TENM2: variants seen among roughly 807,000 people sequenced by gnomAD.
TENM2 encodes the protein teneurin-2.
A neutral mutation model predicts 245.2 loss-of-function variants in TENM2; 52 were observed. The observed-to-expected ratio is 0.21, with a 90% CI of 0.17 to 0.27. TENM2 has a LOEUF of 0.27. Among genes scored for constraint, TENM2 ranks in the 10% least tolerant of loss-of-function variants. The pLI, the probability that TENM2 is intolerant of heterozygous loss-of-function variation, is 1.00. For missense variants in TENM2, 3,046 were observed against 3,666.8 expected (o/e 0.83, Z 4.37); for synonymous variants, 1,363 against 1,438.9 (o/e 0.95, Z 1.19).
chr5:167,551,398 T>C (rs1772928720), intron 2 of TENM2, among the ~76,000 whole-genome samples: 1 of 152,150 alleles, frequency 6.6e-6, no homozygotes, highest in Non-Finnish European at 1.5e-5. Context: ...CTATAGATTC[T>C]TTATCCATCT....
the TENM2 span, among the ~76,000 whole-genome samples, chr5:167,247,318 C>T: frequency 5.3e-5 from 8 of 152,238 alleles, no homozygotes; most frequent in East Asian, 3.9e-4. Context: ...TCCCAAACAG[C>T]CTTTACAGCC....
At chr5:167,594,765 G>A (rs1776090664) in intron 2 of TENM2, among the ~76,000 whole-genome samples, 2 of 152,132 alleles carry the variant, frequency 1.3e-5, no homozygotes, top group South Asian at 2.1e-4. Context: ...AACCTCAAGC[G>A]GGGATTGTCT....
At chr5:167,117,214 C>G in the TENM2 span, among the ~76,000 whole-genome samples, 1 of 152,146 alleles carries the variant, frequency 6.6e-6, no homozygotes, top group Non-Finnish European at 1.5e-5. Context: ...GGTTAAGAAG[C>G]CTAAACAGGC....
intron 1 of TENM2, among the ~76,000 whole-genome samples, chr5:167,361,383 T>C (rs2112583): frequency 0.96 from 145,977 of 152,288 alleles, 70,011 homozygotes; most frequent in African/African-American, 0.98. Flanking sequence ...TATATTTTTC[T>C]AGTCCAAACT....
chr5:167,415,277 A>C (rs1367475530), intron 2 of TENM2, among the ~76,000 whole-genome samples: 4 of 151,998 alleles, frequency 2.6e-5, no homozygotes, highest in African/African-American at 9.7e-5. Context: ...TTTAAATGAA[A>C]AAAAACTACT....
At chr5:167,084,342 TATATATATATATATATATATATATAC>T in the TENM2 span, among the ~76,000 whole-genome samples, 2 of 95,808 alleles carry the variant, frequency 2.1e-5, no homozygotes, top group Admixed American at 2.2e-4. Flanking sequence ...TATATATATA[TATATATATATATATATATATATATAC>T]AGATCAGATT....
chr5:167,832,634 A>C (rs1247542960), intron 2 of TENM2, among the ~76,000 whole-genome samples: 1 of 152,134 alleles, frequency 6.6e-6, no homozygotes, highest in Non-Finnish European at 1.5e-5. Flanking sequence ...GAAGAATGTC[A>C]GTAAGGATGG....
intron 2 of TENM2, among the ~76,000 whole-genome samples, chr5:167,646,210 T>TATATATATATGTTGTTTTC (rs1779950168): frequency 1.5e-5 from 2 of 133,574 alleles, no homozygotes; most frequent in African/African-American, 6.6e-5. Context: ...CATATATATA[T>TATATATATATGTTGTTTTC]ATATATATAT....
chr5:167,469,065 TA>T (rs1356192825), intron 2 of TENM2, among the ~76,000 whole-genome samples: 1 of 152,278 alleles, frequency 6.6e-6, no homozygotes, highest in Non-Finnish European at 1.5e-5. Flanking sequence ...ATAGAAACTT[TA>T]AATGCTATCT....
intron 4 of TENM2, among the ~76,000 whole-genome samples, chr5:167,973,178 G>A (rs1247038830): frequency 6.6e-6 from 1 of 152,200 alleles, no homozygotes; most frequent in East Asian, 1.9e-4. Flanking sequence ...TTACAGAAAA[G>A]CATTATGATC....
intron 4 of TENM2, among the ~76,000 whole-genome samples, chr5:167,981,030 G>A (rs747841862): frequency 2.0e-5 from 3 of 152,168 alleles, no homozygotes; most frequent in East Asian, 1.9e-4. Context: ...AGAGATCCAC[G>A]TCTTCCAAGG....
intron 2 of TENM2, among the ~76,000 whole-genome samples, chr5:167,443,227 A>T (rs1764967632): frequency 6.6e-6 from 1 of 152,116 alleles, no homozygotes; most frequent in African/African-American, 2.4e-5. Flanking sequence ...GAGAGTTGGC[A>T]TGCAGTATGG....
At chr5:167,426,066 G>C (rs1338887679) in intron 2 of TENM2, among the ~76,000 whole-genome samples, 1 of 151,964 alleles carries the variant, frequency 6.6e-6, no homozygotes, top group Non-Finnish European at 1.5e-5. Flanking sequence ...GAATGAAATC[G>C]ACTTCAAAAT....
At chr5:168,021,871 C>T (rs1418916310) in intron 5 of TENM2, among the ~76,000 whole-genome samples, 2 of 146,936 alleles carry the variant, frequency 1.4e-5, no homozygotes, top group Non-Finnish European at 1.5e-5. Context: ...TATCCAATTT[C>T]AAAAAAGAAA....
At chr5:168,088,429 A>G (rs1030598705) in intron 7 of TENM2, 1 of 152,236 alleles carries the variant, frequency 6.6e-6, no homozygotes, top group Non-Finnish European at 1.5e-5. Flanking sequence ...TGGGGTAGAG[A>G]GAAGCTAAAC....
intron 17 of TENM2, 76 bp downstream of exon 19, chr5:168,200,207 CGAG>C: frequency 7.4e-7 from 1 of 1,349,858 alleles, no homozygotes; most frequent in Non-Finnish European, 1.0e-6. Flanking sequence ...TATTGAGTTC[CGAG>C]GATATGCCAA....
At chr5:167,807,229 A>G (rs1180322788) in intron 2 of TENM2, among the ~76,000 whole-genome samples, 1 of 149,948 alleles carries the variant, frequency 6.7e-6, no homozygotes, top group East Asian at 2.1e-4. Context: ...CTGAGGGCAA[A>G]AGACTTTTTT....
At chr5:167,553,622 T>C (rs1287507716) in intron 2 of TENM2, among the ~76,000 whole-genome samples, 1 of 152,100 alleles carries the variant, frequency 6.6e-6, no homozygotes, top group Non-Finnish European at 1.5e-5. Context: ...AAGAAAAGAT[T>C]GGGGGCGGGG....
intron 2 of TENM2, among the ~76,000 whole-genome samples, chr5:167,491,424 C>T (rs961826338): frequency 6.6e-6 from 1 of 152,082 alleles, no homozygotes; most frequent in Non-Finnish European, 1.5e-5. Context: ...ACTGATCATT[C>T]TTTCCATCTG....
Sources: gnomAD v4.1 joint callset for allele counts (sites outside exome capture counted in the v4.1 genomes callset) on GRCh38, gnomAD v4.1.1 for gene constraint, MANE v1.5 for transcripts, NCBI Gene and HGNC (gene_info 2026-07-23, HGNC 2026-07-21) for gene names.